Variants in SLC17A1 observed in about 807,000 individuals in gnomAD.
The protein encoded by SLC17A1 is solute carrier family 17 member 1.
In SLC17A1, 51 loss-of-function variants were observed where a neutral mutation model predicts 53.5. That is an observed-to-expected ratio of 0.95 (90% CI 0.76 to 1.20). The LOEUF (loss-of-function observed/expected upper bound fraction) is 1.20, where lower values mean the gene tolerates loss of function less well. Ranked by LOEUF, SLC17A1 falls within the 50% of genes most tolerant of loss-of-function variation. The probability of loss-of-function intolerance (pLI) is 0.00; values close to 1 mark genes in which losing one functional copy is unlikely to be tolerated. For synonymous variants in SLC17A1, 179 were observed against 198.8 expected, an observed-to-expected ratio of 0.90 and a Z score of 0.84; for missense variants, 538 against 568.2, an observed-to-expected ratio of 0.95 and a Z score of 0.54.
At chr6:25,734,055 A>G in the SLC17A1 span, among the ~76,000 whole-genome samples, 1 of 152,058 alleles carries the variant, frequency 6.6e-6, no homozygotes, top group African/African-American at 2.4e-5. Flanking sequence ...ACCTCAGTTG[A>G]TCCGCCCACC....
chr6:25,778,935 C>T, downstream of SLC17A1: 1 of 1,301,998 alleles, frequency 7.7e-7, no homozygotes, highest in South Asian at 1.4e-5. Flanking sequence ...ACTGGGAAGC[C>T]CATGGAAGCC....
At chr6:25,739,416 T>G in the SLC17A1 span, among the ~76,000 whole-genome samples, 145,525 of 152,260 alleles carry the variant, frequency 0.96, 69,721 homozygotes, top group Non-Finnish European at 0.99. Context: ...GAATTGAGGG[T>G]ACACAAACAT....
the SLC17A1 span, among the ~76,000 whole-genome samples, chr6:25,725,855 G>A: frequency 1.3e-5 from 2 of 152,094 alleles, no homozygotes; most frequent in African/African-American, 4.8e-5. Flanking sequence ...TGAAGTGCAA[G>A]TACTGACTGC....
chr6:25,784,831 T>C lies in SLC17A1; in HGVS notation c.*3-1613A>G, dbSNP rs1010041043. On this transcript the variant is annotated intron_variant, in intron 12 of 12. Coordinates refer to ENST00000244527, the MANE Select transcript of SLC17A1 (RefSeq NM_005074.5). The stretch of plus-strand genomic sequence containing the variant: ...CTTTGTAAGAATTTTAAAATATGTG[T>C]TTTCTCTCTAAGATCACGAACAAGA... Among the ~76,000 whole-genome samples, 53 of 152,140 alleles carry C rather than the reference T, an allele frequency of 3.5e-4. 2 individuals carry two copies. The highest frequency in any genetic ancestry group is 1.0e-4 in the Non-Finnish European group (7 of 68,030).
the SLC17A1 span, chr6:25,773,707 G>A: frequency 6.3e-7 from 1 of 1,598,326 alleles, no homozygotes; most frequent in Middle Eastern, 1.7e-4. Flanking sequence ...CTGATCTTCT[G>A]TTTAAATGCT....
At chr6:25,731,568 T>C in the SLC17A1 span, among the ~76,000 whole-genome samples, 1 of 152,228 alleles carries the variant, frequency 6.6e-6, no homozygotes, top group African/African-American at 2.4e-5. Context: ...CTGTGAGATT[T>C]TAGCTTTCAC....
At chr6:25,817,238 T>C (rs1764390382) in intron 6 of SLC17A1, among the ~76,000 whole-genome samples, 1 of 152,234 alleles carries the variant, frequency 6.6e-6, no homozygotes, top group East Asian at 1.9e-4. Context: ...TTAAATACAG[T>C]TATTGTCGTA....
the SLC17A1 span, among the ~76,000 whole-genome samples, chr6:25,745,010 A>C: frequency 1.3e-5 from 2 of 151,926 alleles, no homozygotes; most frequent in South Asian, 2.1e-4. Context: ...TTTTTTTTTG[A>C]AACCAGAAAT....
intron 6 of SLC17A1, among the ~76,000 whole-genome samples, chr6:25,813,623 T>A (rs1275356430): frequency 6.6e-6 from 1 of 152,218 alleles, no homozygotes; most frequent in Non-Finnish European, 1.5e-5. Flanking sequence ...TTTATTTATA[T>A]AGGTAAACTT....
chr6:25,827,203 C>T (rs926475145), intron 2 of SLC17A1, among the ~76,000 whole-genome samples: 1 of 151,988 alleles, frequency 6.6e-6, no homozygotes, highest in Non-Finnish European at 1.5e-5. Flanking sequence ...TGTACTAATG[C>T]AATCCATTGG....
chr6:25,823,839 G>C (rs1227234741), intron 3 of SLC17A1, among the ~76,000 whole-genome samples: 1 of 151,874 alleles, frequency 6.6e-6, no homozygotes, highest in South Asian at 2.1e-4. Context: ...ATGTGTGTCA[G>C]TCTCTCTATT....
chr6:25,755,396 G>A, the SLC17A1 span, among the ~76,000 whole-genome samples: 2 of 152,178 alleles, frequency 1.3e-5, no homozygotes, highest in African/African-American at 4.8e-5. Context: ...GCCATGGGCT[G>A]TTTCTCATAA....
intron 1 of SLC17A1, among the ~76,000 whole-genome samples, chr6:25,831,455 T>A (rs1764945673): frequency 6.6e-6 from 1 of 152,164 alleles, no homozygotes; most frequent in Non-Finnish European, 1.5e-5. Context: ...TTTCAATACA[T>A]ATATACATAC....
intron 10 of SLC17A1, among the ~76,000 whole-genome samples, chr6:25,801,946 A>G (rs138946993): frequency 6.6e-6 from 1 of 152,048 alleles, no homozygotes; most frequent in Admixed American, 6.5e-5. Context: ...AAGTACATTT[A>G]TGGTTATGAA....
intron 12 of SLC17A1, among the ~76,000 whole-genome samples, chr6:25,788,191 T>C (rs1763424295): frequency 6.6e-6 from 1 of 152,188 alleles, no homozygotes; most frequent in South Asian, 2.1e-4. Context: ...ACAAATGTTA[T>C]ATCTGATATC....
chr6:25,797,107 C>T (rs1763616699), intron 12 of SLC17A1, among the ~76,000 whole-genome samples: 1 of 152,192 alleles, frequency 6.6e-6, no homozygotes. Flanking sequence ...TATACCATCA[C>T]CTTATATGCT....
At position 25,812,974 on chromosome 6, in the gene SLC17A1, A is replaced by AT. The variant is rs1764211647; in HGVS notation, c.753dup (p.Ser252IlefsTer9). The AT allele has an allele frequency of 1.2e-6, 2 of 1,613,920 alleles. No individual in the cohort carries two copies. Among genetic ancestry groups the AT allele is most frequent in the Admixed American group, 1.7e-5 (1 of 59,990 alleles). ...TTAAGTATAGCCTTGATAGGCAGAG[A>AT]TTGTCTACTTGAACTGACCTGGAGA... On this transcript the variant is annotated frameshift_variant, in exon 8 of 13. Coordinates refer to ENST00000244527, the MANE Select transcript of SLC17A1 (RefSeq NM_005074.5). LOFTEE classifies it high-confidence loss of function.
At chr6:25,726,108 C>T in the SLC17A1 span, 13 of 1,503,298 alleles carry the variant, frequency 8.6e-6, no homozygotes, top group Non-Finnish European at 1.2e-5. Flanking sequence ...ACACAGAAGT[C>T]TTTTTACCAA....
chr6:25,768,208 G>A, the SLC17A1 span: 1,595 of 201,156 alleles, frequency 7.9e-3, 13 homozygotes, highest in African/African-American at 0.027. Flanking sequence ...CTAGAACTTA[G>A]CAAGAGCATT....
Sources: gnomAD v4.1 joint callset for allele counts (sites outside exome capture counted in the v4.1 genomes callset) on GRCh38, gnomAD v4.1.1 for gene constraint, MANE v1.5 for transcripts, NCBI Gene and HGNC (gene_info 2026-07-23, HGNC 2026-07-21) for gene names.